The following SYT9 variants were observed in gnomAD, a reference collection of about 807,000 sequenced individuals.
SYT9 encodes the protein synaptotagmin 9, also known as synaptotagmin-9.
In SYT9, 22 loss-of-function variants were observed where a neutral mutation model predicts 48.4. The observed-to-expected ratio is 0.45, with a 90% CI of 0.32 to 0.65. The LOEUF (loss-of-function observed/expected upper bound fraction) is 0.65, where lower values mean the gene tolerates loss of function less well. Among genes scored for constraint, SYT9 ranks in the 30% least tolerant of loss-of-function variants. The pLI, the probability that SYT9 is intolerant of heterozygous loss-of-function variation, is 0.03. For missense variants in SYT9, 577 were observed against 622.0 expected (o/e 0.93, Z 0.77); for synonymous variants, 265 against 245.0 (o/e 1.08, Z -0.76).
chr11:7,447,784 A>G (rs7127376), intron 6 of SYT9, among the ~76,000 whole-genome samples: 43,315 of 151,994 alleles, frequency 0.28, 8,513 homozygotes, highest in African/African-American at 0.56. Flanking sequence ...GTTCCCTGAG[A>G]ACAGATACTG....
At chr11:7,262,596 T>C (rs893903615) in intron 1 of SYT9, among the ~76,000 whole-genome samples, 2 of 150,930 alleles carry the variant, frequency 1.3e-5, no homozygotes, top group African/African-American at 4.9e-5. Flanking sequence ...CAAGCAAGAG[T>C]GTTGACCTGG....
intron 5 of SYT9, among the ~76,000 whole-genome samples, chr11:7,419,454 GA>G (rs111422087): frequency 8.8e-5 from 13 of 147,306 alleles, no homozygotes; most frequent in South Asian, 8.6e-4. Context: ...TTGCAGGAGG[GA>G]AAAAAAAAAG....
chr11:7,455,041 C>G (rs188072286), intron 6 of SYT9, among the ~76,000 whole-genome samples: 3 of 152,228 alleles, frequency 2.0e-5, no homozygotes, highest in African/African-American at 7.2e-5. Context: ...TTGTGAGTAT[C>G]TTTGAGATGA....
At chr11:7,403,183 AAT>A (rs1846931579) in intron 3 of SYT9, among the ~76,000 whole-genome samples, 1 of 152,124 alleles carries the variant, frequency 6.6e-6, no homozygotes. Context: ...CACAAATTTT[AAT>A]ATGTGTGTTT....
intron 6 of SYT9, among the ~76,000 whole-genome samples, chr11:7,434,372 C>T (rs1319542314): frequency 6.6e-6 from 1 of 152,108 alleles, no homozygotes; most frequent in African/African-American, 2.4e-5. Flanking sequence ...GTGATTGCCT[C>T]TAATGAAGGA....
At chr11:7,281,749 G>T (rs1244984044) in intron 1 of SYT9, among the ~76,000 whole-genome samples, 1 of 152,214 alleles carries the variant, frequency 6.6e-6, no homozygotes, top group Non-Finnish European at 1.5e-5. Context: ...TGCTGTGCAA[G>T]GTTGTTTCTT....
intron 1 of SYT9, among the ~76,000 whole-genome samples, chr11:7,282,926 G>GCA (rs151278873): frequency 0.018 from 2,432 of 135,694 alleles, 49 homozygotes; most frequent in African/African-American, 0.053. Flanking sequence ...ACACACACAC[G>GCA]CACACACACA....
intron 3 of SYT9, among the ~76,000 whole-genome samples, chr11:7,367,072 C>CTTGTTTTTTTT (rs1850260896): frequency 1.9e-5 from 1 of 53,266 alleles, no homozygotes; most frequent in African/African-American, 6.4e-5. Flanking sequence ...AGGAGACCAT[C>CTTGTTTTTTTT]TTTTTTTTTT....
intron 1 of SYT9, among the ~76,000 whole-genome samples, chr11:7,255,919 A>T (rs889590571): frequency 6.6e-6 from 1 of 152,180 alleles, no homozygotes; most frequent in African/African-American, 2.4e-5. Flanking sequence ...CTTCGCTGTC[A>T]AGAAGATTAA....
chr11:7,443,106 T>C (rs1235439971), intron 6 of SYT9, among the ~76,000 whole-genome samples: 1 of 152,174 alleles, frequency 6.6e-6, no homozygotes, highest in Non-Finnish European at 1.5e-5. Context: ...GAAGTCTAGA[T>C]TTGCTCATTG....
rs796780121 is a variant in SYT9, at chr11:7,403,580, G to GACAC, written c.1045-12456_1045-12453dup. On this transcript the variant is annotated intron_variant, in intron 3 of 6. Transcript: ENST00000318881. ...ATAAATAAACAGAGAGAGAGAGAGA[G>GACAC]ACACACACATGTATTAGTTTCCAAA... is the stretch of plus-strand genomic sequence containing the variant. 3.3e-3 allele frequency among the ~76,000 whole-genome samples: 489 copies of GACAC among 150,340 alleles called. 2 individuals carry two copies. The highest frequency in any genetic ancestry group is 0.011 in the African/African-American group (457 of 39,902).
intron 1 of SYT9, 24 bp from the exon 2 acceptor site, chr11:7,303,015 C>T (rs2133936987): frequency 6.2e-7 from 1 of 1,604,274 alleles, no homozygotes; most frequent in Non-Finnish European, 8.5e-7. Flanking sequence ...ACCACACTGA[C>T]CTTTGATCTT....
intron 3 of SYT9, among the ~76,000 whole-genome samples, chr11:7,385,803 G>C (rs1850647393): frequency 6.6e-6 from 1 of 152,138 alleles, no homozygotes; most frequent in African/African-American, 2.4e-5. Flanking sequence ...ATTCTCATAA[G>C]TTTTCCTATC....
intron 1 of SYT9, among the ~76,000 whole-genome samples, chr11:7,283,294 G>T (rs556483298): frequency 1.1e-4 from 16 of 152,030 alleles, no homozygotes; most frequent in African/African-American, 3.6e-4. Context: ...ACTCAGTGAA[G>T]TTATTTTTAA....
chr11:7,429,314 T>C (rs1449228406), intron 6 of SYT9, among the ~76,000 whole-genome samples: 3 of 152,326 alleles, frequency 2.0e-5, no homozygotes, highest in Middle Eastern at 3.4e-3. Flanking sequence ...TTGGTGTGAA[T>C]GTTTGGACAA....
intron 3 of SYT9, among the ~76,000 whole-genome samples, chr11:7,322,021 C>G (rs1235521791): frequency 6.6e-6 from 1 of 152,106 alleles, no homozygotes; most frequent in Non-Finnish European, 1.5e-5. Context: ...TGTGTCCTAC[C>G]TCCGTATGAT....
intron 3 of SYT9, among the ~76,000 whole-genome samples, chr11:7,335,779 G>T (rs1452664994): frequency 6.6e-6 from 1 of 152,070 alleles, no homozygotes; most frequent in African/African-American, 2.4e-5. Flanking sequence ...TCCATGTCTT[G>T]CTATTGTGAA....
At chr11:7,337,307 C>A (rs538752946) in intron 3 of SYT9, among the ~76,000 whole-genome samples, 1 of 152,246 alleles carries the variant, frequency 6.6e-6, no homozygotes, top group South Asian at 2.1e-4. Context: ...GATAGTCTGA[C>A]TTCCTCTCTT....
intron 3 of SYT9, among the ~76,000 whole-genome samples, chr11:7,317,984 T>C (rs1174888243): frequency 6.6e-6 from 1 of 152,244 alleles, no homozygotes; most frequent in African/African-American, 2.4e-5. Context: ...TTAAACACCC[T>C]CTCTGGTATT....
Sources: allele counts gnomAD v4.1 joint callset (sites outside exome capture counted in the v4.1 genomes callset), GRCh38; gene constraint gnomAD v4.1.1; transcripts MANE v1.5; gene names NCBI Gene and HGNC (gene_info 2026-07-23, HGNC 2026-07-21).